The following GATA4 variants were observed in gnomAD, a reference collection of about 807,000 sequenced individuals.
GATA4 encodes the protein GATA binding protein 4.
A neutral mutation model predicts 37.9 loss-of-function variants in GATA4; 7 were observed. That is an observed-to-expected ratio of 0.18 (90% CI 0.11 to 0.35). The LOEUF is 0.35. Ranked by LOEUF, GATA4 falls within the 10% of genes least tolerant of loss-of-function variation. The pLI, the probability that GATA4 is intolerant of heterozygous loss-of-function variation, is 1.00. For synonymous variants in GATA4, 372 were observed against 292.6 expected (o/e 1.27, Z -2.77); for missense variants, 647 against 653.0 (o/e 0.99, Z 0.10).
Position 11,681,201 on chromosome 8 carries a change from C to T in GATA4, c.-274+4138C>T. On this transcript the variant is annotated intron_variant, in intron 1 of 6. Transcript: ENST00000528712. ...GGTTAGTCACAGGCCCTGGCCCGCGCGGGATCTGGAGGCAGAGATTTCTCG... is the reference window on the plus strand; with the variant it reads ...GGTTAGTCACAGGCCCTGGCCCGCGTGGGATCTGGAGGCAGAGATTTCTCG... The T allele has an allele frequency of 4.1e-6, 4 of 985,326 alleles. No homozygotes were observed. In the South Asian group the frequency reaches 1.9e-4, roughly 46 times the overall value. The allele number at this position is 985,326 out of a possible 1,614,324, so 61.0% of individuals were successfully genotyped here.
chr8:11,700,641 A>T (rs1040806776), upstream of GATA4: 1 of 152,402 alleles, frequency 6.6e-6, no homozygotes, highest in South Asian at 2.1e-4. Context: ...GCCCAGGCCC[A>T]GCGGGGGAAT....
intron 1 of GATA4, among the ~76,000 whole-genome samples, chr8:11,682,625 C>G (rs1336080085): frequency 6.6e-6 from 1 of 152,090 alleles, no homozygotes; most frequent in Non-Finnish European, 1.5e-5. Flanking sequence ...TCTAACAAAA[C>G]TTTCCTTGAA....
chr8:11,709,511 G>A lies in GATA4; in HGVS notation c.616+583G>A, dbSNP rs2130076632. Among the ~76,000 whole-genome samples the A allele has an allele frequency of 6.7e-6, 1 of 149,212 alleles. No individual in the cohort carries two copies. Among genetic ancestry groups the A allele is most frequent in the Middle Eastern group, 3.6e-3 (1 of 274 alleles). On this transcript the variant is annotated intron_variant, in intron 2 of 6. Transcript: ENST00000532059. The surrounding 1 kb of genome is among the most constrained non-coding windows in gnomAD (Gnocchi z 4.3). ...CAAAGGAGACGCCGGGGAGATGCGC[G>A]GAACAGGAGCCGGCACTGTGCGGGT...
intron 1 of GATA4, chr8:11,683,044 G>C (rs752286595): frequency 2.4e-4 from 239 of 985,274 alleles, no homozygotes; most frequent in Non-Finnish European, 2.9e-4. Context: ...GGGGTTTCTC[G>C]ACAGCTCTCT....
rs1026389633 is a variant in GATA4 at position 11,749,420 on chromosome 8, T to C, written c.786+335T>C. On this transcript the variant is annotated intron_variant, in intron 3 of 6. Coordinates refer to ENST00000532059, the MANE Select transcript of GATA4 (RefSeq NM_001308093.3). This position sits in a 1 kb window ranked among gnomAD's most constrained non-coding sequence, Gnocchi z 4.6. ...GTTCCCAGTCCAGTGTTGACTGGAG[T>C]GTCTCCTCCACCCACACCAACCCTG... 6.6e-6 allele frequency among the ~76,000 whole-genome samples: 1 copy of C among 151,798 alleles called. No homozygotes were observed. The highest frequency in any genetic ancestry group is 1.9e-4 in the East Asian group (1 of 5,168).
At chr8:11,677,842 C>G (rs1047877531) in intron 1 of GATA4, among the ~76,000 whole-genome samples, 4 of 151,986 alleles carry the variant, frequency 2.6e-5, no homozygotes, top group Non-Finnish European at 5.9e-5. Context: ...CCACAGAGCT[C>G]GTAGTTTTCT....
At position 11,749,130 on chromosome 8, in the gene GATA4, G is replaced by T. The variant is rs1248585320; in HGVS notation, c.786+45G>T. The T allele has an allele frequency of 6.2e-7, 1 of 1,602,426 alleles. No individual in the cohort carries two copies. The highest frequency in any genetic ancestry group is 1.7e-5 in the Admixed American group (1 of 59,058). ...CCTCCTCTGGGCACCTGGCTGCGGA[G>T]CTCTCGCCTTGGTGGGACATCCTCT... On this transcript the variant is annotated intron_variant, in intron 3 of 6. Coordinates refer to ENST00000532059, the MANE Select transcript of GATA4 (RefSeq NM_001308093.3). The surrounding 1 kb of genome is among the most constrained non-coding windows in gnomAD (Gnocchi z 4.6).
chr8:11,701,773 C>A (rs934006729), upstream of GATA4, among the ~76,000 whole-genome samples: 3 of 150,716 alleles, frequency 2.0e-5, no homozygotes, highest in South Asian at 2.1e-4. Context: ...CCAGAGACAG[C>A]GAATATTCCT....
At chr8:11,741,957 G>A (rs1801760104) in intron 2 of GATA4, among the ~76,000 whole-genome samples, 1 of 152,230 alleles carries the variant, frequency 6.6e-6, no homozygotes, top group Non-Finnish European at 1.5e-5. Flanking sequence ...CTGGCCTGCG[G>A]TTAAGAGACT....
intron 2 of GATA4, among the ~76,000 whole-genome samples, chr8:11,712,690 TAAAAAA>T (rs3030047): frequency 1.1e-5 from 1 of 93,012 alleles, no homozygotes; most frequent in Non-Finnish European, 2.2e-5. Context: ...ACCACATCTC[TAAAAAA>T]AAAAAAAAAA....
At chr8:11,721,859 A>G (rs1800692128) in intron 2 of GATA4, among the ~76,000 whole-genome samples, 1 of 152,240 alleles carries the variant, frequency 6.6e-6, no homozygotes, top group Non-Finnish European at 1.5e-5. Context: ...ATGGATTGCC[A>G]GACCCTGTAG....
At position 11,708,094 on chromosome 8, in the gene GATA4, G is replaced by C. The variant is rs934784057; in HGVS notation, c.-219G>C. On this transcript the variant is annotated 5_prime_UTR_variant, in exon 2 of 7. Transcript: ENST00000532059. The surrounding 1 kb of genome is among the most constrained non-coding windows in gnomAD (Gnocchi z 6.7). ...CGGAACCACCAAAAATTCAAATTGG[G>C]ATTTTCCGGAGTAAACAAGAGCCTA... 1.6e-5 allele frequency: 10 copies of C among 643,322 alleles called. No individual in the cohort carries two copies. Among genetic ancestry groups the C allele is most frequent in the Non-Finnish European group, 2.8e-5 (10 of 360,836 alleles). The allele number at this position is 643,322 out of a possible 1,614,324, so 39.9% of individuals were successfully genotyped here.
At chr8:11,692,403 C>T, upstream of GATA4, 1 of 651,572 alleles carries the variant, frequency 1.5e-6, no homozygotes, top group Non-Finnish European at 1.9e-6. Context: ...GGTGTATTTA[C>T]GTTGATTTCT....
chr8:11,686,771 G>A lies in GATA4; in HGVS notation c.-274+9708G>A, dbSNP rs563230877. Among the ~76,000 whole-genome samples, 51 of 152,186 alleles carry A rather than the reference G, an allele frequency of 3.4e-4. No homozygotes were observed. In the South Asian group the frequency reaches 6.0e-3, roughly 18 times the overall value. On this transcript the variant is annotated intron_variant, in intron 1 of 6. Coordinates refer to the GATA4 transcript ENST00000528712. ...TCCCAGCACTTTGGGAGGCCGAGGCGGTCAGATCACGAGGTCAGGAGTTCG... is the reference window on the plus strand; with the variant it reads ...TCCCAGCACTTTGGGAGGCCGAGGCAGTCAGATCACGAGGTCAGGAGTTCG...
chr8:11,717,915 C>T (rs1239666009), intron 2 of GATA4, among the ~76,000 whole-genome samples: 1 of 152,224 alleles, frequency 6.6e-6, no homozygotes, highest in Non-Finnish European at 1.5e-5. Flanking sequence ...TCCCAGGATT[C>T]AGACCCTTCC....
chr8:11,743,839 G>A (rs1258591302), intron 2 of GATA4, among the ~76,000 whole-genome samples: 1 of 152,198 alleles, frequency 6.6e-6, no homozygotes, highest in Non-Finnish European at 1.5e-5. Context: ...TATCCATACT[G>A]CACCGGCTCG....
intron 1 of GATA4, among the ~76,000 whole-genome samples, chr8:11,696,589 A>G (rs1455436999): frequency 2.6e-5 from 4 of 152,218 alleles, no homozygotes; most frequent in East Asian, 1.9e-4. Flanking sequence ...CAACAATACT[A>G]CTTTAGAGTT....
intron 1 of GATA4, chr8:11,697,830 CG>C (rs1444233455): frequency 1.0e-5 from 10 of 985,330 alleles, no homozygotes; most frequent in African/African-American, 1.7e-5. Context: ...TGGGGCGTTC[CG>C]GCCACCACGG....
rs941995168 is a variant in GATA4, at chr8:11,758,582, C to G, written c.*107C>G. ...GCCGGCCTCCTCTGCCTGGTAATGA[C>G]TCCAGAACAACAACTGGGAAGAAAC... On this transcript the variant is annotated 3_prime_UTR_variant, in exon 7 of 7. Transcript: ENST00000532059. 9.4e-7 allele frequency: 1 copy of G among 1,066,550 alleles called. No homozygotes were observed. The highest frequency in any genetic ancestry group is 1.3e-5 in the South Asian group (1 of 78,502). The allele number at this position is 1,066,550 out of a possible 1,614,324, so 66.1% of individuals were successfully genotyped here.
Sources: allele counts gnomAD v4.1 joint callset (sites outside exome capture counted in the v4.1 genomes callset), GRCh38; gene constraint gnomAD v4.1.1; non-coding constraint Gnocchi (gnomAD v3.1); transcripts MANE v1.5; gene names NCBI Gene and HGNC (gene_info 2026-07-23, HGNC 2026-07-21).